CFAP47: variants seen among roughly 807,000 people sequenced by gnomAD.
CFAP47 encodes cilia- and flagella-associated protein 47.
CFAP47 carries 29 observed loss-of-function variants against 148.1 expected under a neutral mutation model. That is an observed-to-expected ratio of 0.20 (90% CI 0.15 to 0.27). CFAP47 has a LOEUF of 0.27. Ranked by LOEUF, CFAP47 falls within the 10% of genes least tolerant of loss-of-function variation. CFAP47 has a pLI of 1.00. For missense variants in CFAP47, 1,872 were observed against 1,697.5 expected (o/e 1.10, Z -1.81); for synonymous variants, 664 against 577.3 (o/e 1.15, Z -2.15).
chrX:36,278,042 G>A (rs1941036653), intron 49 of CFAP47, among the ~76,000 whole-genome samples: 1 of 112,281 alleles, frequency 8.9e-6, no homozygotes, highest in African/African-American at 3.2e-5. Flanking sequence ...CTACACGGGG[G>A]TCAGGGAACC....
Position 36,153,299 on chromosome X carries a change from A to G in CFAP47, c.5786+4076A>G, listed in dbSNP as rs899773452. On this transcript the variant is annotated intron_variant, in intron 37 of 63. Coordinates refer to ENST00000378653, the MANE Select transcript of CFAP47 (RefSeq NM_001304548.2). ...TGTCCAAAACTAAACAGGACAAATA[A>G]CATTAAATCTTAAGGCACCAGAATA... 3.6e-5 allele frequency among the ~76,000 whole-genome samples: 4 copies of G among 112,205 alleles called. No homozygotes were observed. In the East Asian group the frequency reaches 1.1e-3, roughly 32 times the overall value.
intron 2 of CFAP47, among the ~76,000 whole-genome samples, chrX:35,940,931 C>T (rs989996869): frequency 9.0e-6 from 1 of 111,287 alleles, no homozygotes; most frequent in African/African-American, 3.3e-5. Context: ...TTTGTAAGTA[C>T]TTACATCTTG....
At chrX:36,070,151 G>A (rs1050105087) in intron 27 of CFAP47, among the ~76,000 whole-genome samples, 1 of 112,063 alleles carries the variant, frequency 8.9e-6, no homozygotes, top group African/African-American at 3.2e-5. Context: ...ATGAAAGAGT[G>A]CAAGAAACTT....
At chrX:35,989,609 TATC>T (rs1376288848) in intron 16 of CFAP47, 160 bp downstream of exon 16, 6 of 1,096,732 alleles carry the variant, frequency 5.5e-6, no homozygotes, top group Non-Finnish European at 6.0e-6. Context: ...AAATATGTAA[TATC>T]ATCATGGGAG....
At chrX:36,280,389 A>G (rs1220069380) in intron 49 of CFAP47, 98 bp from the exon 50 acceptor site, 2 of 332,809 alleles carry the variant, frequency 6.0e-6, no homozygotes, top group Non-Finnish European at 1.0e-5. Context: ...TTATATTTAT[A>G]TATCTTAAGC....
At position 36,235,955 on chromosome X, in the gene CFAP47, T is replaced by C; in HGVS notation, c.7036T>C (p.Trp2346Arg). The C allele has an allele frequency of 2.0e-6, 1 of 501,926 alleles. No individual in the cohort carries two copies. Among genetic ancestry groups the C allele is most frequent in the Middle Eastern group, 3.3e-4 (1 of 3,067 alleles). The allele number at this position is 501,926 out of a possible 1,213,427, so 41.4% of individuals were successfully genotyped here. ...IPIKNQTNDK[W>R]TFQVTIEGEW... ...TTAGAAAAATCAAACAAACGATAAA[T>C]GGACCTTTCAAGTTACTATAGAAGG... The change falls in exon 47 of 64, where the codon TGG becomes CGG. Residue 2346 changes from tryptophan to arginine, a missense_variant. Physicochemically the swap from Trp to Arg is moderately radical, Grantham distance 101. Coordinates refer to ENST00000378653, the MANE Select transcript of CFAP47 (RefSeq NM_001304548.2).
intron 55 of CFAP47, among the ~76,000 whole-genome samples, chrX:36,309,603 A>G (rs1941377313): frequency 9.0e-6 from 1 of 111,120 alleles, no homozygotes. Flanking sequence ...TAATCGTGGG[A>G]TGTGGTTTAA....
chrX:36,238,792 C>T (rs1940505140), intron 48 of CFAP47, among the ~76,000 whole-genome samples: 2 of 111,825 alleles, frequency 1.8e-5, no homozygotes, highest in Admixed American at 9.5e-5. Flanking sequence ...TGACCTCCCA[C>T]TTGGCAGTTT....
At chrX:36,278,216 A>C (rs1167662660) in intron 49 of CFAP47, among the ~76,000 whole-genome samples, 1 of 111,948 alleles carries the variant, frequency 8.9e-6, no homozygotes, top group Non-Finnish European at 1.9e-5. Flanking sequence ...CAGAGGCATC[A>C]GGCCTTGTTG....
At chrX:36,211,672 AGAG>A (rs782815758) in intron 45 of CFAP47, 268 of 191,807 alleles carry the variant, frequency 1.4e-3, no homozygotes, top group Middle Eastern at 2.2e-3. Context: ...AAAAGAAAGA[AGAG>A]GAGGAAGATG....
chrX:36,047,066 A>G lies in CFAP47; in HGVS notation c.4217+3A>G. On this transcript the variant is annotated splice_donor_region_variant and intron_variant, in intron 26 of 63. Coordinates refer to ENST00000378653, the MANE Select transcript of CFAP47 (RefSeq NM_001304548.2). Reference sequence around the variant, plus strand: ...TTCTGTGATGACAGAAAAAACTGGTAAGATATCTAAATGTACATTATTTTG... The same window carrying G: ...TTCTGTGATGACAGAAAAAACTGGTGAGATATCTAAATGTACATTATTTTG... 9.4e-7 allele frequency: 1 copy of G among 1,063,669 alleles called. No individual in the cohort carries two copies. Among genetic ancestry groups the G allele is most frequent in the Non-Finnish European group, 1.3e-6 (1 of 779,695 alleles). The allele number at this position is 1,063,669 out of a possible 1,213,427, so 87.7% of individuals were successfully genotyped here.
intron 49 of CFAP47, among the ~76,000 whole-genome samples, chrX:36,271,875 A>G (rs1386603539): frequency 1.8e-5 from 2 of 111,973 alleles, no homozygotes; most frequent in African/African-American, 6.5e-5. Flanking sequence ...TCAGCAGTTT[A>G]CAAATGGGTA....
intron 48 of CFAP47, among the ~76,000 whole-genome samples, chrX:36,239,069 CTT>C (rs1274196355): frequency 8.9e-6 from 1 of 111,927 alleles, no homozygotes; most frequent in Admixed American, 9.5e-5. Context: ...GTTGAGACCT[CTT>C]TAACATGAAA....
chrX:36,303,607 CAA>C (rs1398057470), intron 53 of CFAP47, among the ~76,000 whole-genome samples: 1 of 110,599 alleles, frequency 9.0e-6, no homozygotes, highest in Admixed American at 9.7e-5. Flanking sequence ...ATTCTATTTA[CAA>C]AGACACCAGT....
chrX:36,261,775 T>G (rs1286079626), intron 49 of CFAP47, among the ~76,000 whole-genome samples: 1 of 111,406 alleles, frequency 9.0e-6, no homozygotes, highest in Non-Finnish European at 1.9e-5. Flanking sequence ...TTCCCCACCT[T>G]TCCCCCTTTT....
In CFAP47 at chrX:36,353,488, AC is replaced by A. The variant is rs782538216; in HGVS notation, c.8699-39del. 1.5e-5 allele frequency: 16 copies of A among 1,099,647 alleles called. No homozygotes were observed. In the South Asian group the frequency reaches 2.8e-4, roughly 19 times the overall value. 90.6% of individuals were successfully genotyped at this position (1,099,647 alleles called of 1,213,427 possible). ...CTTCTATCTCAAGAATGATCATATC[AC>A]CTACAAGTCAAGTTAACTGGAAATA... On this transcript the variant is annotated intron_variant, in intron 59 of 63. Transcript: ENST00000378653.
At chrX:36,352,054 C>T (rs1941747116) in intron 59 of CFAP47, among the ~76,000 whole-genome samples, 1 of 111,140 alleles carries the variant, frequency 9.0e-6, no homozygotes, top group Non-Finnish European at 1.9e-5. Context: ...TTTGTGCATT[C>T]TTATCTACTA....
chrX:36,259,150 C>G (rs1256300563), intron 49 of CFAP47, among the ~76,000 whole-genome samples: 1 of 111,304 alleles, frequency 9.0e-6, no homozygotes, highest in Non-Finnish European at 1.9e-5. Context: ...CTCTACCCAT[C>G]TGCTCCTCAC....
Position 36,031,273 on chromosome X carries a change from T to G in CFAP47, c.3577T>G (p.Leu1193Val). The G allele has an allele frequency of 1.7e-5, 5 of 292,894 alleles. No homozygotes were observed. Among genetic ancestry groups the G allele is most frequent in the Non-Finnish European group, 3.0e-5 (5 of 166,832 alleles). The allele number at this position is 292,894 out of a possible 1,213,427, so 24.1% of individuals were successfully genotyped here. ...CACAGCATTGCAATCACCATTGAACTTATCTAGTACTAAGTTTGTATTTGA... is the reference window on the plus strand; with the variant it reads ...CACAGCATTGCAATCACCATTGAACGTATCTAGTACTAAGTTTGTATTTGA... ...QATALQSPLNLSSTKFVFEIP... is the reference protein window; with the variant it reads ...QATALQSPLNVSSTKFVFEIP... The change falls in exon 23 of 64, where the codon TTA (leucine) becomes GTA (valine). Residue 1193 changes from leucine to valine, a missense_variant. By Grantham distance (32) the Leu-to-Val change is conservative. Transcript: ENST00000378653.
Sources: allele counts gnomAD v4.1 joint callset (sites outside exome capture counted in the v4.1 genomes callset), GRCh38; gene constraint gnomAD v4.1.1; transcripts MANE v1.5; gene names NCBI Gene and HGNC (gene_info 2026-07-23, HGNC 2026-07-21).